The following TBC1D4 variants were observed in gnomAD, a reference collection of about 807,000 sequenced individuals.
TBC1D4 encodes TBC1 domain family member 4, also known as TBC (Tre-2, BUB2, CDC16) domain-containing protein.
A neutral mutation model predicts 142.5 loss-of-function variants in TBC1D4; 121 were observed. The ratio of observed to expected loss-of-function variants is 0.85; its 90% CI spans 0.73 to 0.99. TBC1D4 has a LOEUF of 0.99. Among genes scored for constraint, TBC1D4 ranks in the 50% least tolerant of loss-of-function variants. The pLI, the probability that TBC1D4 is intolerant of heterozygous loss-of-function variation, is 0.00. For missense variants in TBC1D4, 1,475 were observed against 1,606.6 expected, an observed-to-expected ratio of 0.92 and a Z score of 1.40; for synonymous variants, 630 against 628.2, an observed-to-expected ratio of 1.00 and a Z score of -0.04.
At chr13:75,345,361 C>CT (rs2138096247) in intron 5 of TBC1D4, among the ~76,000 whole-genome samples, 1 of 152,250 alleles carries the variant, frequency 6.6e-6, no homozygotes, top group Non-Finnish European at 1.5e-5. Context: ...TGCTGTCTTA[C>CT]TGCTATCTTT....
chr13:75,397,017 G>T (rs1157413534), intron 1 of TBC1D4, among the ~76,000 whole-genome samples: 3 of 152,134 alleles, frequency 2.0e-5, no homozygotes, highest in Non-Finnish European at 4.4e-5. Flanking sequence ...ATTGCCATCA[G>T]TCCCAACTGA....
At chr13:75,415,199 A>T (rs1267772837) in intron 1 of TBC1D4, among the ~76,000 whole-genome samples, 1 of 151,666 alleles carries the variant, frequency 6.6e-6, no homozygotes, top group Non-Finnish European at 1.5e-5. Flanking sequence ...TGAAATTGGG[A>T]TTTCAAGAGA....
intron 15 of TBC1D4, among the ~76,000 whole-genome samples, chr13:75,305,410 G>C (rs535633253): frequency 6.6e-6 from 1 of 152,146 alleles, no homozygotes; most frequent in Admixed American, 6.5e-5. Context: ...GCCAAAAAAT[G>C]GTGTGATCTA....
chr13:75,366,858 AC>A (rs1882941383), intron 1 of TBC1D4: 2 of 751,396 alleles, frequency 2.7e-6, no homozygotes, highest in African/African-American at 3.8e-5. Context: ...ATGTTCAAAG[AC>A]CTGAACAAAC....
intron 17 of TBC1D4, 98 bp downstream of exon 17, chr13:75,299,232 C>G: frequency 1.3e-6 from 2 of 1,582,396 alleles, no homozygotes; most frequent in Non-Finnish European, 1.7e-6. Flanking sequence ...AAGACAATGG[C>G]TCTACATTTC....
intron 15 of TBC1D4, among the ~76,000 whole-genome samples, chr13:75,305,829 C>T (rs748421620): frequency 4.7e-4 from 71 of 151,608 alleles, no homozygotes; most frequent in Non-Finnish European, 8.7e-4. Context: ...AGAATAAATG[C>T]GATATAATGG....
intron 3 of TBC1D4, 78 bp downstream of exon 3, chr13:75,359,691 G>T: frequency 8.4e-7 from 1 of 1,186,784 alleles, no homozygotes; most frequent in Non-Finnish European, 1.2e-6. Context: ...TTTGAAGGGG[G>T]TCAAGCCCAC....
chr13:75,387,131 G>C (rs890535154), intron 1 of TBC1D4, among the ~76,000 whole-genome samples: 3 of 151,814 alleles, frequency 2.0e-5, no homozygotes, highest in Non-Finnish European at 4.4e-5. Context: ...TATGAAAATA[G>C]CTTCACTTTT....
Position 75,286,954 on chromosome 13 carries a change from C to A in TBC1D4, c.3735G>T (p.Lys1245Asn). The change falls in exon 21 of 21, where the codon AAG becomes AAT. Residue 1245 changes from lysine to asparagine, a missense_variant. By Grantham distance (94) the Lys-to-Asn change is moderately conservative. Around this residue, in one of 2 missense-constraint regions of TBC1D4, gnomAD observed 248 missense variants for 338.9 expected, o/e 0.73. Transcript: ENST00000377636. ...CTTGTTCCAGGGTCCGGATTAAAGA[C>A]TTCATTTTGGTCTCTCTCGTCAAAA... The part of the protein sequence containing the change: ...ENLLTRETKM[K>N]SLIRTLEQEK... 6.2e-7 allele frequency: 1 copy of A among 1,613,966 alleles called. No individual in the cohort carries two copies. The highest frequency in any genetic ancestry group is 8.5e-7 in the Non-Finnish European group (1 of 1,179,966).
intron 19 of TBC1D4, among the ~76,000 whole-genome samples, chr13:75,291,427 T>A (rs564346912): frequency 6.6e-6 from 1 of 152,196 alleles, no homozygotes; most frequent in East Asian, 1.9e-4. Flanking sequence ...AGCTTCCCTA[T>A]GTTACTAGTT....
rs1374146044 is a variant in TBC1D4 at position 75,362,702 on chromosome 13, A to T, written c.499-95T>A. 2 of 1,317,634 alleles carry T rather than the reference A, an allele frequency of 1.5e-6. No homozygotes were observed. The highest frequency in any genetic ancestry group is 1.5e-5 in the African/African-American group (1 of 68,684). The allele number at this position is 1,317,634 out of a possible 1,614,324, so 81.6% of individuals were successfully genotyped here. ...TTATTACCACATGGAATGTATTTTC[A>T]TCCTAAATAATATACAAAGTAATAG... On this transcript the variant is annotated intron_variant, in intron 1 of 20. Coordinates refer to ENST00000377636, the MANE Select transcript of TBC1D4 (RefSeq NM_014832.5). This position sits in a 1 kb window ranked among gnomAD's most constrained non-coding sequence, Gnocchi z 4.2.
intron 1 of TBC1D4, 113 bp downstream of exon 1, chr13:75,481,157 C>CCT: frequency 7.0e-7 from 1 of 1,431,182 alleles, no homozygotes; most frequent in East Asian, 2.5e-5. Flanking sequence ...GGAGCGCGCG[C>CCT]GCCTGCAGCC....
rs1877590153 is a variant in TBC1D4 at position 75,310,082 on chromosome 13, A to G, written c.2453T>C (p.Val818Ala). The change falls in exon 14 of 21, where the codon GTT (valine) becomes GCT (alanine). Residue 818 changes from valine to alanine, a missense_variant. Transcript: ENST00000377636. ...GTCATCCTCCCCAGACAGGAATACAACCAGCGGTTCCTCCTCCATGGTTGG... is the reference window on the plus strand; with the variant it reads ...GTCATCCTCCCCAGACAGGAATACAGCCAGCGGTTCCTCCTCCATGGTTGG... ...LSPTMEEEPL[V>A]VFLSGEDDPE... The G allele has an allele frequency of 6.2e-7, 1 of 1,613,958 alleles. No homozygotes were observed. The highest frequency in any genetic ancestry group is 1.3e-5 in the African/African-American group (1 of 74,906).
chr13:75,387,844 T>C (rs1251910964), intron 1 of TBC1D4, among the ~76,000 whole-genome samples: 1 of 152,240 alleles, frequency 6.6e-6, no homozygotes, highest in Non-Finnish European at 1.5e-5. Flanking sequence ...ATTAGCTTTC[T>C]GTTACTGCCT....
At chr13:75,397,757 C>T (rs571297716) in intron 1 of TBC1D4, among the ~76,000 whole-genome samples, 1 of 152,230 alleles carries the variant, frequency 6.6e-6, no homozygotes, top group Middle Eastern at 3.4e-3. Flanking sequence ...TCTACCAATG[C>T]TAAACCAGAA....
intron 7 of TBC1D4, among the ~76,000 whole-genome samples, chr13:75,338,680 A>G (rs555114238): frequency 1.3e-5 from 2 of 152,254 alleles, no homozygotes; most frequent in Non-Finnish European, 2.9e-5. Context: ...AAATTCCTCT[A>G]TAGGCACCAA....
intron 10 of TBC1D4, among the ~76,000 whole-genome samples, chr13:75,325,981 AAG>A (rs1491237148): frequency 6.6e-6 from 1 of 152,236 alleles, no homozygotes; most frequent in African/African-American, 2.4e-5. Flanking sequence ...GGAAAAACAA[AAG>A]AGTTTCCACC....
At chr13:75,460,684 G>A (rs186656716) in intron 1 of TBC1D4, among the ~76,000 whole-genome samples, 1 of 152,114 alleles carries the variant, frequency 6.6e-6, no homozygotes, top group South Asian at 2.1e-4. Flanking sequence ...ACTTTGAAAG[G>A]CCAAGGCGGA....
chr13:75,458,996 AC>A (rs1046650894), intron 1 of TBC1D4, among the ~76,000 whole-genome samples: 1 of 151,908 alleles, frequency 6.6e-6, no homozygotes, highest in African/African-American at 2.4e-5. Context: ...CTCCCTCCTT[AC>A]CTCCTCCACT....
Sources: allele counts gnomAD v4.1 joint callset (sites outside exome capture counted in the v4.1 genomes callset), GRCh38; gene constraint gnomAD v4.1.1; regional missense constraint gnomAD v4.1.1; non-coding constraint Gnocchi (gnomAD v3.1); transcripts MANE v1.5; gene names NCBI Gene and HGNC (gene_info 2026-07-23, HGNC 2026-07-21).